The following AKIRIN1 variants were observed in gnomAD, a reference collection of about 807,000 sequenced individuals.
AKIRIN1 encodes akirin-1.
A neutral mutation model predicts 25.9 loss-of-function variants in AKIRIN1; 4 were observed. The ratio of observed to expected loss-of-function variants is 0.15; its 90% CI spans 0.08 to 0.35. AKIRIN1 has a LOEUF of 0.35. Ranked by LOEUF, AKIRIN1 falls within the 10% of genes least tolerant of loss-of-function variation. The pLI, the probability that AKIRIN1 is intolerant of heterozygous loss-of-function variation, is 1.00. For missense variants in AKIRIN1, 243 were observed against 266.1 expected (o/e 0.91, Z 0.61); for synonymous variants, 125 against 105.1 (o/e 1.19, Z -1.16).
Position 39,004,066 on chromosome 1 carries a change from CAT to C in AKIRIN1, c.*14_*15del, listed in dbSNP as rs1557644062. 6.2e-7 allele frequency: 1 copy of C among 1,611,220 alleles called. No homozygotes were observed. Among genetic ancestry groups the C allele is most frequent in the Non-Finnish European group, 8.5e-7 (1 of 1,177,396 alleles). On this transcript the variant is annotated 3_prime_UTR_variant, in exon 5 of 5. Transcript: ENST00000432648. The stretch of plus-strand genomic sequence containing the variant: ...ACAGATGTGTCATGAAGCTTTGTCA[CAT>C]ATCTGGGTACCAGGTTTGACCTCAA...
Position 39,005,401 on chromosome 1 carries a change from T to C in AKIRIN1, c.*1346T>C, listed in dbSNP as rs1168212162. 1 of 152,216 alleles carries C rather than the reference T, an allele frequency of 6.6e-6. No homozygotes were observed. The highest frequency in any genetic ancestry group is 2.4e-5 in the African/African-American group (1 of 41,466). The allele number at this position is 152,216 out of a possible 1,614,324, so 9.4% of individuals were successfully genotyped here. A position where few individuals can be genotyped will look rare whatever the true frequency, so the allele number is the denominator to read the frequency against. ...ATGGTCAACTGCTTCAGCTTTGTTT[T>C]GGCAACCCCCTGCCCGAAGTCGCAT... On this transcript the variant is annotated 3_prime_UTR_variant, in exon 5 of 5. Transcript: ENST00000432648.
At chr1:38,998,939 T>A (rs1362113049) in intron 2 of AKIRIN1, among the ~76,000 whole-genome samples, 1 of 152,172 alleles carries the variant, frequency 6.6e-6, no homozygotes, top group Non-Finnish European at 1.5e-5. Context: ...CAGGTACTCA[T>A]TAGCCACATA....
intron 2 of AKIRIN1, 92 bp downstream of exon 2, chr1:38,998,403 A>G (rs1487025531): frequency 2.2e-6 from 3 of 1,350,464 alleles, no homozygotes; most frequent in Non-Finnish European, 2.0e-6. Flanking sequence ...CTAATGTAAT[A>G]GAATTGCTAA....
At position 38,991,500 on chromosome 1, in the gene AKIRIN1, C is replaced by T; in HGVS notation, c.120C>T (p.Pro40=). 5.5e-6 allele frequency: 8 copies of T among 1,451,874 alleles called. No individual in the cohort carries two copies. Among genetic ancestry groups the T allele is most frequent in the Non-Finnish European group, 7.2e-6 (8 of 1,106,942 alleles). The allele number at this position is 1,451,874 out of a possible 1,614,324, so 89.9% of individuals were successfully genotyped here. ...PLPGPTPGLR[P]PDAEPPPPFQ... is the part of the protein sequence containing the mutation. ...CCGGCCCCACTCCGGGCCTCAGGCC[C>T]CCGGACGCCGAGCCGCCGCCGCCGT... Residue 40 remains proline (P), a synonymous_variant, in exon 1 of 5, where the codon CCC becomes CCT. Coordinates refer to ENST00000432648, the MANE Select transcript of AKIRIN1 (RefSeq NM_024595.3).
chr1:38,996,697 ATTT>A (rs989599704), intron 1 of AKIRIN1, among the ~76,000 whole-genome samples: 2 of 151,558 alleles, frequency 1.3e-5, no homozygotes, highest in Non-Finnish European at 2.9e-5. Context: ...GCCTGGCTAA[ATTT>A]TTTTATTTTT....
chr1:39,002,120 T>C (rs1235304526), intron 3 of AKIRIN1, among the ~76,000 whole-genome samples: 1 of 152,226 alleles, frequency 6.6e-6, no homozygotes, highest in African/African-American at 2.4e-5. Flanking sequence ...AGCACAAATC[T>C]CATCATACTC....
At chr1:39,002,323 G>A (rs968810083) in intron 3 of AKIRIN1, among the ~76,000 whole-genome samples, 12 of 152,274 alleles carry the variant, frequency 7.9e-5, no homozygotes, top group Non-Finnish European at 1.0e-4. Context: ...CCCATACAAC[G>A]TGGTTCCTCA....
chr1:39,006,053 C>G lies in AKIRIN1; in HGVS notation c.*1998C>G, dbSNP rs894663499. Reference sequence around the variant, plus strand: ...TTTTAATAATTAAAGAATGATTTTACTTTGTATTTGAAGGGTGATTTGTTT... The same window carrying G: ...TTTTAATAATTAAAGAATGATTTTAGTTTGTATTTGAAGGGTGATTTGTTT... On this transcript the variant is annotated 3_prime_UTR_variant, in exon 5 of 5. Coordinates refer to ENST00000432648, the MANE Select transcript of AKIRIN1 (RefSeq NM_024595.3). The G allele has an allele frequency of 2.0e-5, 3 of 150,516 alleles. No homozygotes were observed. The highest frequency in any genetic ancestry group is 4.4e-5 in the Non-Finnish European group (3 of 67,842). The allele number at this position is 150,516 out of a possible 1,614,324, so 9.3% of individuals were successfully genotyped here. A position where few individuals can be genotyped will look rare whatever the true frequency, so the allele number is the denominator to read the frequency against.
In AKIRIN1 at chr1:39,005,932, A is replaced by G. The variant is rs1644030894; in HGVS notation, c.*1877A>G. On this transcript the variant is annotated 3_prime_UTR_variant, in exon 5 of 5. Coordinates refer to ENST00000432648, the MANE Select transcript of AKIRIN1 (RefSeq NM_024595.3). ...ACTGTGATAATGTTTATTAATTCAA[A>G]TAACTTATGTGAGAGCTGCTATAAC... 1 of 152,170 alleles carries G rather than the reference A, an allele frequency of 6.6e-6. No individual in the cohort carries two copies. The allele number at this position is 152,170 out of a possible 1,614,324, so 9.4% of individuals were successfully genotyped here.
intron 1 of AKIRIN1, 77 bp downstream of exon 1, chr1:38,991,677 G>GCA: frequency 1.0e-5 from 2 of 192,414 alleles, no homozygotes; most frequent in Non-Finnish European, 2.2e-5. Context: ...GGAGGGTTGG[G>GCA]AATACCAGGC....
Position 38,998,293 on chromosome 1 carries a change from A to G in AKIRIN1, c.343A>G (p.Thr115Ala). 6.2e-7 allele frequency: 1 copy of G among 1,611,722 alleles called. No homozygotes were observed. Among genetic ancestry groups the G allele is most frequent in the Non-Finnish European group, 8.5e-7 (1 of 1,178,956 alleles). The change falls in exon 2 of 5, where the codon ACA becomes GCA. Residue 115 changes from threonine (T) to alanine (A), a missense_variant. Around this residue, in one of 3 missense-constraint regions of AKIRIN1, gnomAD observed 190 missense variants for 174.4 expected, o/e 1.09. Coordinates refer to ENST00000432648, the MANE Select transcript of AKIRIN1 (RefSeq NM_024595.3). ...SESQPHSSAL[T>A]APSSPGSSWM... Reference sequence around the variant, plus strand: ...AAGTCAACCTCACTCCTCAGCACTCACAGCACCTAGCTCTCCAGGTAAGCC... The same window carrying G: ...AAGTCAACCTCACTCCTCAGCACTCGCAGCACCTAGCTCTCCAGGTAAGCC...
chr1:39,000,540 G>A (rs1643982082), intron 2 of AKIRIN1, among the ~76,000 whole-genome samples: 1 of 151,272 alleles, frequency 6.6e-6, no homozygotes, highest in Non-Finnish European at 1.5e-5. Context: ...GTAGAGACAG[G>A]GGTTTCTCCA....
chr1:38,998,459 A>T (rs1643964113), intron 2 of AKIRIN1, 148 bp downstream of exon 2: 1 of 977,652 alleles, frequency 1.0e-6, no homozygotes, highest in South Asian at 2.4e-5. Flanking sequence ...CTATACAGTC[A>T]TGAAATTGGA....
intron 1 of AKIRIN1, among the ~76,000 whole-genome samples, chr1:38,992,805 T>C (rs1643918151): frequency 6.6e-6 from 1 of 152,176 alleles, no homozygotes; most frequent in African/African-American, 2.4e-5. Context: ...TGTGCCCTTA[T>C]CATGTTTTTC....
chr1:38,999,482 T>C (rs2148068028), intron 2 of AKIRIN1, among the ~76,000 whole-genome samples: 1 of 152,352 alleles, frequency 6.6e-6, no homozygotes, highest in Admixed American at 6.5e-5. Context: ...ACGTGACTTT[T>C]ACCTCAACAA....
At chr1:38,992,737 GTC>G (rs981557025) in intron 1 of AKIRIN1, among the ~76,000 whole-genome samples, 5 of 152,100 alleles carry the variant, frequency 3.3e-5, no homozygotes, top group African/African-American at 1.2e-4. Context: ...TACCTAGTCA[GTC>G]TCTTACACAT....
intron 3 of AKIRIN1, among the ~76,000 whole-genome samples, chr1:39,002,956 A>G (rs1644005786): frequency 6.6e-6 from 1 of 152,202 alleles, no homozygotes; most frequent in South Asian, 2.1e-4. Context: ...TCTTCCACTC[A>G]TGTTTTTCAC....
chr1:38,999,727 G>A (rs1286770663), intron 2 of AKIRIN1, among the ~76,000 whole-genome samples: 1 of 152,206 alleles, frequency 6.6e-6, no homozygotes, highest in Non-Finnish European at 1.5e-5. Context: ...CCTTGAGTTA[G>A]TTTAAGCAAA....
At chr1:38,998,708 G>A (rs1315171462) in intron 2 of AKIRIN1, among the ~76,000 whole-genome samples, 2 of 151,878 alleles carry the variant, frequency 1.3e-5, no homozygotes, top group East Asian at 1.9e-4. Context: ...GTTCAAGACC[G>A]GCCTGGCCAA....
Sources: allele counts gnomAD v4.1 joint callset (sites outside exome capture counted in the v4.1 genomes callset), GRCh38; gene constraint gnomAD v4.1.1; regional missense constraint gnomAD v4.1.1; transcripts MANE v1.5; gene names NCBI Gene and HGNC (gene_info 2026-07-23, HGNC 2026-07-21).